The following PKD2L2 variants were observed in gnomAD, a reference collection of about 807,000 sequenced individuals.
PKD2L2 encodes polycystin 2 like 2, transient receptor potential cation channel.
A neutral mutation model predicts 83.9 loss-of-function variants in PKD2L2; 67 were observed. The observed-to-expected ratio is 0.80, with a 90% CI of 0.66 to 0.98. PKD2L2 has a LOEUF of 0.98. PKD2L2 is among the 50% of genes least tolerant of loss of function. PKD2L2 has a pLI of 0.00. For missense variants in PKD2L2, 632 were observed against 717.2 expected (o/e 0.88, Z 1.36); for synonymous variants, 223 against 237.8 (o/e 0.94, Z 0.57).
chr5:137,898,225 C>T (rs1270678715), intron 4 of PKD2L2, among the ~76,000 whole-genome samples: 1 of 152,114 alleles, frequency 6.6e-6, no homozygotes, highest in Non-Finnish European at 1.5e-5. Context: ...CCTCAGTCTC[C>T]CAAAGTGCTG....
intron 7 of PKD2L2, 21 bp downstream of exon 7, chr5:137,907,933 T>G: frequency 9.4e-7 from 1 of 1,060,950 alleles, no homozygotes; most frequent in Non-Finnish European, 1.4e-6. Flanking sequence ...TTCATTATAT[T>G]ACATAATACA....
At chr5:137,904,336 G>A (rs1459479928) in intron 5 of PKD2L2, among the ~76,000 whole-genome samples, 1 of 152,110 alleles carries the variant, frequency 6.6e-6, no homozygotes, top group Non-Finnish European at 1.5e-5. Context: ...CTGGGGATGG[G>A]CGAAAGACTG....
rs1423271796 is a variant in PKD2L2 at position 137,913,190 on chromosome 5, T to C, written c.1328+4244T>C. On this transcript the variant is annotated intron_variant, in intron 8 of 14. Transcript: ENST00000508883. ...GCGCCCAGCCTTCTTTTTTCTTTTT[T>C]TTTTTTTTTTTTTGAGACAGTCTCA... 3.2e-4 allele frequency among the ~76,000 whole-genome samples: 46 copies of C among 143,464 alleles called. No homozygotes were observed. The Middle Eastern group carries it at 0.01, about 32-fold the overall frequency. The allele number at this position is 143,464 out of a possible 152,430, so 94.1% of individuals were successfully genotyped here.
intron 8 of PKD2L2, among the ~76,000 whole-genome samples, chr5:137,918,735 C>T (rs1413755734): frequency 6.6e-6 from 1 of 152,118 alleles, no homozygotes. Flanking sequence ...TCAATAGACT[C>T]TAGAGTTCCA....
chr5:137,898,692 T>A (rs1433108223), intron 4 of PKD2L2, among the ~76,000 whole-genome samples: 1 of 151,912 alleles, frequency 6.6e-6, no homozygotes, highest in East Asian at 1.9e-4. Flanking sequence ...TAGCTGGGAC[T>A]ACAGGCATAT....
chr5:137,903,577 C>T (rs939732813), intron 5 of PKD2L2, among the ~76,000 whole-genome samples: 37 of 151,994 alleles, frequency 2.4e-4, no homozygotes, highest in Admixed American at 2.0e-3. Flanking sequence ...AGGAAATTAT[C>T]GAGACTAAAT....
At chr5:137,920,975 A>G (rs1035693993) in intron 8 of PKD2L2, among the ~76,000 whole-genome samples, 11 of 152,194 alleles carry the variant, frequency 7.2e-5, no homozygotes, top group Non-Finnish European at 1.6e-4. Flanking sequence ...TGTTGAACCA[A>G]TTCAAAGTTC....
chr5:137,940,420 A>G (rs1370992093), intron 14 of PKD2L2: 5 of 1,026,826 alleles, frequency 4.9e-6, no homozygotes, highest in Non-Finnish European at 7.3e-6. Context: ...TTGTCTTAAT[A>G]TGAGACATAC....
chr5:137,937,829 T>C (rs1284113259), intron 14 of PKD2L2: 1 of 152,100 alleles, frequency 6.6e-6, no homozygotes, highest in Admixed American at 6.6e-5. Context: ...CCAAATAGTT[T>C]AGTGACCCTG....
At chr5:137,895,457 G>A (rs1283207426) in intron 4 of PKD2L2, among the ~76,000 whole-genome samples, 1 of 147,994 alleles carries the variant, frequency 6.8e-6, no homozygotes, top group Non-Finnish European at 1.5e-5. Flanking sequence ...GGGCGACAGA[G>A]GGAGACCTTG....
intron 8 of PKD2L2, among the ~76,000 whole-genome samples, chr5:137,913,890 T>A (rs1758080674): frequency 6.7e-6 from 1 of 148,504 alleles, no homozygotes; most frequent in Admixed American, 6.7e-5. Context: ...TTTTTCCCGA[T>A]GAGGTCTTGC....
At chr5:137,940,807 C>G (rs996976965) in intron 14 of PKD2L2, among the ~76,000 whole-genome samples, 2 of 152,180 alleles carry the variant, frequency 1.3e-5, no homozygotes, top group Non-Finnish European at 2.9e-5. Flanking sequence ...TCAGTTTAAT[C>G]GCTAGCTAAA....
At chr5:137,921,985 T>C (rs1050987948) in intron 9 of PKD2L2, among the ~76,000 whole-genome samples, 3 of 152,174 alleles carry the variant, frequency 2.0e-5, no homozygotes, top group Admixed American at 1.3e-4. Context: ...ATGTGCTAAA[T>C]CCTTCACATA....
intron 2 of PKD2L2, among the ~76,000 whole-genome samples, 176 bp downstream of exon 2, chr5:137,890,758 T>A (rs1225712027): frequency 6.6e-6 from 1 of 152,234 alleles, no homozygotes; most frequent in Non-Finnish European, 1.5e-5. Flanking sequence ...ATTTAGAAAT[T>A]GACTATTTTC....
At chr5:137,936,665 C>T (rs1760447092) in intron 14 of PKD2L2, among the ~76,000 whole-genome samples, 1 of 152,234 alleles carries the variant, frequency 6.6e-6, no homozygotes, top group Admixed American at 6.5e-5. Context: ...CTGTGTCAGC[C>T]AGGATCGTCT....
At chr5:137,940,469 TA>T (rs3214311) in intron 14 of PKD2L2, 127,947 of 506,708 alleles carry the variant, frequency 0.25, 6 homozygotes, top group East Asian at 0.31. Context: ...GTTGTTCTGT[TA>T]AAAAAAAAAA....
chr5:137,908,063 C>G (rs1204536534), intron 7 of PKD2L2, 151 bp downstream of exon 7: 8 of 395,168 alleles, frequency 2.0e-5, no homozygotes, highest in Non-Finnish European at 3.5e-5. Flanking sequence ...ACCTGTACTC[C>G]TAGCACTTTG....
At chr5:137,899,477 G>T in intron 4 of PKD2L2, 39 bp from the exon 5 acceptor site, 1 of 1,287,854 alleles carries the variant, frequency 7.8e-7, no homozygotes, top group Non-Finnish European at 1.1e-6. Context: ...TCTCAGTTGG[G>T]CTTTGTCATT....
At chr5:137,926,910 G>T (rs553067195) in intron 12 of PKD2L2, among the ~76,000 whole-genome samples, 1 of 152,022 alleles carries the variant, frequency 6.6e-6, no homozygotes, top group Non-Finnish European at 1.5e-5. Flanking sequence ...GTGTACTTTG[G>T]GGTCTTGGAA....
Sources: gnomAD v4.1 joint callset for allele counts (sites outside exome capture counted in the v4.1 genomes callset) on GRCh38, gnomAD v4.1.1 for gene constraint, MANE v1.5 for transcripts, NCBI Gene and HGNC (gene_info 2026-07-23, HGNC 2026-07-21) for gene names.